ARB2A: variants seen among roughly 807,000 people sequenced by gnomAD.
The protein encoded by ARB2A is ARB2 cotranscriptional regulator A, also known as cotranscriptional regulator ARB2A.
At chr5:93,721,887 T>C in the ARB2A span, among the ~76,000 whole-genome samples, 1 of 152,128 alleles carries the variant, frequency 6.6e-6, no homozygotes, top group East Asian at 1.9e-4. Flanking sequence ...ATTATAGGAA[T>C]TTCATGTTTC....
chr5:93,947,132 T>C, the ARB2A span, among the ~76,000 whole-genome samples: 1 of 152,332 alleles, frequency 6.6e-6, no homozygotes, highest in South Asian at 2.1e-4. Context: ...ATATAATCTG[T>C]AGTTTCTGAC....
the ARB2A span, among the ~76,000 whole-genome samples, chr5:93,686,189 A>G: frequency 6.6e-6 from 1 of 152,286 alleles, no homozygotes; most frequent in Admixed American, 6.5e-5. Flanking sequence ...TTCTTTAGTA[A>G]CTGGGGATGA....
At chr5:93,960,983 C>T in the ARB2A span, among the ~76,000 whole-genome samples, 2 of 151,886 alleles carry the variant, frequency 1.3e-5, no homozygotes, top group African/African-American at 4.8e-5. Flanking sequence ...AGAAAAATTC[C>T]CTTTTACCTA....
the ARB2A span, among the ~76,000 whole-genome samples, chr5:93,850,529 G>T: frequency 6.6e-6 from 1 of 152,168 alleles, no homozygotes; most frequent in African/African-American, 2.4e-5. Context: ...GGCCAGAGAA[G>T]CTTGCTCCTG....
At chr5:94,051,270 A>C in the ARB2A span, among the ~76,000 whole-genome samples, 1 of 152,216 alleles carries the variant, frequency 6.6e-6, no homozygotes. Context: ...CTGGGGATTC[A>C]TATAGACAAT....
At chr5:93,999,953 T>C in the ARB2A span, among the ~76,000 whole-genome samples, 1 of 152,110 alleles carries the variant, frequency 6.6e-6, no homozygotes, top group East Asian at 1.9e-4. Context: ...TAGAAATATA[T>C]GGTTAAGATT....
At chr5:93,905,071 G>C in the ARB2A span, among the ~76,000 whole-genome samples, 4 of 151,622 alleles carry the variant, frequency 2.6e-5, no homozygotes, top group Admixed American at 6.6e-5. Flanking sequence ...CCCAAGCTCT[G>C]TCCTACGAAT....
chr5:93,816,619 A>C, the ARB2A span, among the ~76,000 whole-genome samples: 1 of 152,152 alleles, frequency 6.6e-6, no homozygotes, highest in Non-Finnish European at 1.5e-5. Context: ...GTGGACACTA[A>C]GAAAAACCTG....
the ARB2A span, among the ~76,000 whole-genome samples, chr5:93,829,512 A>C: frequency 6.6e-6 from 1 of 152,096 alleles, no homozygotes; most frequent in Non-Finnish European, 1.5e-5. Flanking sequence ...CTATTATTGC[A>C]CTGAGGAGCT....
the ARB2A span, among the ~76,000 whole-genome samples, chr5:93,865,200 G>C: frequency 2.6e-5 from 4 of 152,184 alleles, no homozygotes; most frequent in Non-Finnish European, 5.9e-5. Context: ...TCCTGCCTCA[G>C]CCTCCTGAGT....
the ARB2A span, among the ~76,000 whole-genome samples, chr5:93,633,323 C>A: frequency 6.6e-6 from 1 of 152,210 alleles, no homozygotes; most frequent in Admixed American, 6.5e-5. Context: ...CCCCTTTGAT[C>A]TTGTGTCCTG....
At chr5:93,800,380 T>TTC in the ARB2A span, among the ~76,000 whole-genome samples, 1 of 111,804 alleles carries the variant, frequency 8.9e-6, no homozygotes, top group East Asian at 2.9e-4. Flanking sequence ...ACTGCATATT[T>TTC]TCACACACAC....
chr5:93,751,770 T>C, the ARB2A span, among the ~76,000 whole-genome samples: 4 of 152,326 alleles, frequency 2.6e-5, no homozygotes, highest in Non-Finnish European at 5.9e-5. Context: ...TGGGAATATT[T>C]TGGCCAGCAG....
At chr5:94,103,228 T>C in the ARB2A span, among the ~76,000 whole-genome samples, 18 of 152,036 alleles carry the variant, frequency 1.2e-4, no homozygotes, top group South Asian at 2.1e-4. Flanking sequence ...GAGTGGCAAT[T>C]TGAATAAAGA....
chr5:93,912,672 T>G, the ARB2A span, among the ~76,000 whole-genome samples: 1 of 151,798 alleles, frequency 6.6e-6, no homozygotes, highest in African/African-American at 2.4e-5. Context: ...TAAGAAATAT[T>G]AAATGCATTT....
chr5:94,064,106 A>G, the ARB2A span, among the ~76,000 whole-genome samples: 3 of 152,110 alleles, frequency 2.0e-5, no homozygotes, highest in African/African-American at 4.8e-5. Flanking sequence ...AATCAGAAAA[A>G]CAACTCAGGA....
chr5:93,765,843 T>C, the ARB2A span, among the ~76,000 whole-genome samples: 1 of 152,072 alleles, frequency 6.6e-6, no homozygotes, highest in African/African-American at 2.4e-5. Flanking sequence ...AACAGAGATA[T>C]AGACCAATGG....
At chr5:94,016,999 C>A in the ARB2A span, among the ~76,000 whole-genome samples, 3 of 152,250 alleles carry the variant, frequency 2.0e-5, no homozygotes, top group African/African-American at 4.8e-5. Flanking sequence ...TCTGCCAGTT[C>A]CCTAGCACTG....
At chr5:93,790,313 G>A in the ARB2A span, among the ~76,000 whole-genome samples, 2 of 152,098 alleles carry the variant, frequency 1.3e-5, no homozygotes, top group Non-Finnish European at 2.9e-5. Flanking sequence ...AAACTACTCC[G>A]AATCTTTAAA....
Sources: allele counts gnomAD v4.1 joint callset (sites outside exome capture counted in the v4.1 genomes callset), GRCh38; gene constraint gnomAD v4.1.1; transcripts MANE v1.5; gene names NCBI Gene and HGNC (gene_info 2026-07-23, HGNC 2026-07-21).